The following PRUNE2 variants were observed in gnomAD, a reference collection of about 807,000 sequenced individuals.
PRUNE2 encodes the protein protein prune homolog 2.
PRUNE2 carries 164 observed loss-of-function variants against 252.0 expected under a neutral mutation model. The ratio of observed to expected loss-of-function variants is 0.65; its 90% CI spans 0.57 to 0.74. The LOEUF is 0.74. PRUNE2 is among the 30% of genes least tolerant of loss of function. PRUNE2 has a pLI of 0.00. For synonymous variants in PRUNE2, 1,292 were observed against 1,350.2 expected (o/e 0.96, Z 0.94); for missense variants, 3,495 against 3,711.0 (o/e 0.94, Z 1.51).
chr9:76,800,676 C>A (rs925525741), intron 6 of PRUNE2, among the ~76,000 whole-genome samples: 3 of 152,086 alleles, frequency 2.0e-5, no homozygotes, highest in Admixed American at 6.5e-5. Context: ...GAAGACATTG[C>A]GCCCTACTCC....
At chr9:76,827,109 CT>C (rs1488501351) in intron 4 of PRUNE2, among the ~76,000 whole-genome samples, 1 of 152,126 alleles carries the variant, frequency 6.6e-6, no homozygotes, top group African/African-American at 2.4e-5. Flanking sequence ...TCTAATCAGC[CT>C]TATTTCCTTT....
intron 12 of PRUNE2, chr9:76,642,001 TAAAA>T (rs369258212): frequency 2.8e-4 from 287 of 1,009,138 alleles, no homozygotes; most frequent in South Asian, 3.8e-4. Context: ...ATAAGAGAAG[TAAAA>T]AAAAAAAAAA....
At chr9:76,848,491 A>G (rs1045196608) in intron 3 of PRUNE2, among the ~76,000 whole-genome samples, 1 of 152,268 alleles carries the variant, frequency 6.6e-6, no homozygotes, top group African/African-American at 2.4e-5. Context: ...AATGAATTGC[A>G]TAATAGATAT....
chr9:76,715,127 A>G (rs80238316), intron 6 of PRUNE2, among the ~76,000 whole-genome samples: 6,616 of 152,328 alleles, frequency 0.043, 193 homozygotes, highest in Middle Eastern at 0.078. Flanking sequence ...AGTGCCACAC[A>G]CATCTCCTAG....
intron 4 of PRUNE2, among the ~76,000 whole-genome samples, chr9:76,837,440 CAAATAATAA>C (rs2059066633): frequency 5.2e-5 from 1 of 19,128 alleles, no homozygotes; most frequent in African/African-American, 2.2e-4. Context: ...GACTCTGTCT[CAAATAATAA>C]TAATAATAAT....
At chr9:76,752,282 A>G (rs1355423554) in intron 6 of PRUNE2, among the ~76,000 whole-genome samples, 1 of 152,096 alleles carries the variant, frequency 6.6e-6, no homozygotes, top group Non-Finnish European at 1.5e-5. Context: ...TATTTTTAGT[A>G]GAGACGGGGT....
intron 15 of PRUNE2, among the ~76,000 whole-genome samples, chr9:76,633,230 G>A (rs1321470964): frequency 6.6e-6 from 1 of 151,240 alleles, no homozygotes; most frequent in Non-Finnish European, 1.5e-5. Context: ...TCAAAAAAAA[G>A]AGAATATTTT....
rs2046510970 is a variant in PRUNE2, at chr9:76,708,984, AGT to A, written c.3288_3289del (p.Leu1097PhefsTer13). 3 of 1,613,976 alleles carry A rather than the reference AGT, an allele frequency of 1.9e-6. No individual in the cohort carries two copies. The highest frequency in any genetic ancestry group is 2.5e-6 in the Non-Finnish European group (3 of 1,179,892). ...CCGGGAGTTGGTGCTGCTGTGCAAA[AGT>A]GTGAGTTGTCGGTTTGTTTCATTGT... On this transcript the variant is annotated frameshift_variant, in exon 8 of 19. Transcript: ENST00000376718. LOFTEE classifies it high-confidence loss of function.
rs544776871 is a variant in PRUNE2 at position 76,715,168 on chromosome 9, G to A, written c.757-1447C>T. Reference sequence around the variant, plus strand: ...CCACTGTGAAGATGTGAACGATGCCGTGCAGAGAGTTGCAGATTTCCCCAT... The same window carrying A: ...CCACTGTGAAGATGTGAACGATGCCATGCAGAGAGTTGCAGATTTCCCCAT... On this transcript the variant is annotated intron_variant, in intron 6 of 18. Transcript: ENST00000376718. 6.6e-5 allele frequency among the ~76,000 whole-genome samples: 10 copies of A among 152,334 alleles called. No homozygotes were observed. The South Asian group carries it at 8.3e-4, about 13-fold the overall frequency.
At chr9:76,863,995 T>G (rs772203184) in intron 1 of PRUNE2, among the ~76,000 whole-genome samples, 3 of 152,114 alleles carry the variant, frequency 2.0e-5, no homozygotes, top group Non-Finnish European at 4.4e-5. Context: ...TGCACTTATA[T>G]GTTAATCACA....
At chr9:76,810,809 C>A (rs1413503968) in intron 6 of PRUNE2, among the ~76,000 whole-genome samples, 1 of 152,168 alleles carries the variant, frequency 6.6e-6, no homozygotes, top group Non-Finnish European at 1.5e-5. Context: ...GGATGGGAAA[C>A]AGGCACTCTA....
At chr9:76,895,224 C>G (rs2062746547) in intron 1 of PRUNE2, among the ~76,000 whole-genome samples, 1 of 152,124 alleles carries the variant, frequency 6.6e-6, no homozygotes, top group Non-Finnish European at 1.5e-5. Flanking sequence ...TCTCAGGGAC[C>G]TTATTTTATA....
chr9:76,747,643 G>A lies in PRUNE2; in HGVS notation c.757-33922C>T, dbSNP rs186416863. Among the ~76,000 whole-genome samples, 14 of 152,132 alleles carry A rather than the reference G, an allele frequency of 9.2e-5. No homozygotes were observed. In the East Asian group the frequency reaches 2.3e-3, roughly 25 times the overall value. The stretch of plus-strand genomic sequence containing the variant: ...TATGTGCTAGGACAACTTCTTTTAG[G>A]GAAGAAAATCAACTGGTCCTCTTAA... On this transcript the variant is annotated intron_variant, in intron 6 of 18. Coordinates refer to ENST00000376718, the MANE Select transcript of PRUNE2 (RefSeq NM_015225.3).
At chr9:76,746,568 G>A (rs1303962604) in intron 6 of PRUNE2, among the ~76,000 whole-genome samples, 2 of 151,502 alleles carry the variant, frequency 1.3e-5, no homozygotes, top group African/African-American at 4.8e-5. Context: ...AGCCGGGCGC[G>A]GTGGCGGGCG....
chr9:76,884,705 A>C (rs1232960855), intron 1 of PRUNE2, among the ~76,000 whole-genome samples: 1 of 152,196 alleles, frequency 6.6e-6, no homozygotes, highest in Non-Finnish European at 1.5e-5. Context: ...TACTAGTTTT[A>C]AAATATTAAA....
intron 1 of PRUNE2, among the ~76,000 whole-genome samples, chr9:76,901,524 G>C (rs188437960): frequency 6.6e-6 from 1 of 152,086 alleles, no homozygotes; most frequent in Admixed American, 6.5e-5. Flanking sequence ...TTATTGATAC[G>C]CGGAACTTTC....
chr9:76,849,606 A>G lies in PRUNE2; in HGVS notation c.344+857T>C, dbSNP rs181569665. On this transcript the variant is annotated intron_variant, in intron 3 of 18. Coordinates refer to ENST00000376718, the MANE Select transcript of PRUNE2 (RefSeq NM_015225.3). ...TTTGGGAGGCTGAGGTGGACGGATC[A>G]CTTGAGGTCAGGAGTTCAAGACCAG... Among the ~76,000 whole-genome samples, 17 of 152,270 alleles carry G rather than the reference A, an allele frequency of 1.1e-4. No homozygotes were observed. In the East Asian group the frequency reaches 2.3e-3, roughly 21 times the overall value.
intron 7 of PRUNE2, among the ~76,000 whole-genome samples, chr9:76,712,974 G>A (rs1164812873): frequency 2.0e-5 from 3 of 152,250 alleles, no homozygotes; most frequent in Non-Finnish European, 2.9e-5. Context: ...CTGGGGCCCC[G>A]TGTGGCTCCT....
chr9:76,763,111 T>C (rs1264014657), intron 6 of PRUNE2, among the ~76,000 whole-genome samples: 1 of 152,304 alleles, frequency 6.6e-6, no homozygotes, highest in Non-Finnish European at 1.5e-5. Flanking sequence ...TGTCAAACGA[T>C]GTGAAGACTG....
Sources: allele counts gnomAD v4.1 joint callset (sites outside exome capture counted in the v4.1 genomes callset), GRCh38; gene constraint gnomAD v4.1.1; transcripts MANE v1.5; gene names NCBI Gene and HGNC (gene_info 2026-07-23, HGNC 2026-07-21).